The following SPIRE2 variants were observed in gnomAD, a reference collection of about 807,000 sequenced individuals.
The protein encoded by SPIRE2 is spire type actin nucleation factor 2, also known as protein spire homolog 2.
A neutral mutation model predicts 80.7 loss-of-function variants in SPIRE2; 76 were observed. The observed-to-expected ratio is 0.94, with a 90% confidence interval of 0.78 to 1.14. SPIRE2 has a LOEUF of 1.14. Among genes scored for constraint, SPIRE2 ranks in the 50% most tolerant of loss-of-function variants. SPIRE2 has a pLI of 0.00. For missense variants in SPIRE2, 1,196 were observed against 1,015.3 expected (o/e 1.18, Z -2.42); for synonymous variants, 535 against 432.6 (o/e 1.24, Z -2.94).
In SPIRE2 at chr16:89,863,627, G is replaced by A. The variant is rs191081583; in HGVS notation, c.1710+17G>A. The A allele has an allele frequency of 8.7e-6, 14 of 1,614,050 alleles. No individual in the cohort carries two copies. In the African/African-American group the frequency reaches 1.3e-4, roughly 15 times the overall value. ...AAGGGGAAGGTGAGGCTGCCTAGAC[G>A]TGGGGCTACGCTCTTGCCCGCTGGG... On this transcript the variant is annotated intron_variant, in intron 11 of 14. Coordinates refer to ENST00000378247, the MANE Select transcript of SPIRE2 (RefSeq NM_032451.2). The surrounding 1 kb of genome is among the most constrained non-coding windows in gnomAD (Gnocchi z 4.3).
At chr16:89,839,486 G>A (rs1021916679) in intron 1 of SPIRE2, among the ~76,000 whole-genome samples, 1 of 152,124 alleles carries the variant, frequency 6.6e-6, no homozygotes, top group East Asian at 1.9e-4. Flanking sequence ...GTTGCTGCAG[G>A]GTGCCTGCTT....
At chr16:89,831,045 G>A (rs922022292) in intron 1 of SPIRE2, among the ~76,000 whole-genome samples, 5 of 150,314 alleles carry the variant, frequency 3.3e-5, no homozygotes, top group Non-Finnish European at 7.5e-5. Flanking sequence ...GAGTAGCTGG[G>A]ACTACAGGCG....
At chr16:89,838,012 G>GTT (rs1449610374) in intron 1 of SPIRE2, among the ~76,000 whole-genome samples, 1 of 151,566 alleles carries the variant, frequency 6.6e-6, no homozygotes, top group African/African-American at 2.4e-5. Context: ...TTCTTTTTTT[G>GTT]TTTTTATTTT....
In SPIRE2 at chr16:89,863,681, C is replaced by A; in HGVS notation, c.1710+71C>A. The A allele has an allele frequency of 6.2e-7, 1 of 1,612,132 alleles. No homozygotes were observed. Among genetic ancestry groups the A allele is most frequent in the Non-Finnish European group, 8.5e-7 (1 of 1,178,388 alleles). ...GGGGCGGGTGCCGAGAGGGCCAGTTCCCAGGACTGTTTGCTCATGATCTGG... is the reference window on the plus strand; with the variant it reads ...GGGGCGGGTGCCGAGAGGGCCAGTTACCAGGACTGTTTGCTCATGATCTGG... On this transcript the variant is annotated intron_variant, in intron 11 of 14. Transcript: ENST00000378247. The surrounding 1 kb of genome is among the most constrained non-coding windows in gnomAD (Gnocchi z 4.3).
chr16:89,833,875 C>G (rs914767648), intron 1 of SPIRE2, among the ~76,000 whole-genome samples: 13 of 152,164 alleles, frequency 8.5e-5, no homozygotes, highest in African/African-American at 2.7e-4. Context: ...AAAATGACCT[C>G]TATCCCTGAG....
intron 3 of SPIRE2, among the ~76,000 whole-genome samples, chr16:89,853,892 C>T (rs1188985247): frequency 1.3e-5 from 2 of 152,254 alleles, no homozygotes; most frequent in Non-Finnish European, 2.9e-5. Flanking sequence ...CTGTCCACCA[C>T]GTATCCATTC....
chr16:89,844,476 T>C (rs1484915109), intron 1 of SPIRE2, among the ~76,000 whole-genome samples: 1 of 151,506 alleles, frequency 6.6e-6, no homozygotes, highest in African/African-American at 2.4e-5. Context: ...TCTCACTCTG[T>C]TGCCCAGGCT....
At chr16:89,850,275 C>T (rs771454156) in intron 2 of SPIRE2, 29 bp from the exon 3 acceptor site, 14 of 1,589,844 alleles carry the variant, frequency 8.8e-6, no homozygotes, top group Middle Eastern at 1.7e-4. Flanking sequence ...CCTGCAGTAC[C>T]GCCCAGTGAC....
intron 3 of SPIRE2, among the ~76,000 whole-genome samples, chr16:89,852,944 G>A (rs1315629173): frequency 1.5e-5 from 1 of 64,674 alleles, no homozygotes; most frequent in South Asian, 6.7e-4. Flanking sequence ...GCATCCCATG[G>A]CCCGTCTTCC....
In SPIRE2 at chr16:89,859,309, C is replaced by A; in HGVS notation, c.1417C>A (p.Arg473=). The A allele has an allele frequency of 6.3e-7, 1 of 1,596,090 alleles. No homozygotes were observed. ...AGGAGGGACGGAGCCACCACGGCCC[C>A]GAGCTGGCAGTGCGCATGTGTGGAG... ...PPGGTEPPRP[R]AGSAHVWRPG... is the part of the protein sequence containing the mutation. Residue 473 remains arginine, a synonymous_variant, in exon 9 of 15, where the codon CGA becomes AGA. Transcript: ENST00000378247.
chr16:89,864,299 C>T (rs546684664), intron 12 of SPIRE2, among the ~76,000 whole-genome samples: 2 of 152,260 alleles, frequency 1.3e-5, no homozygotes, highest in African/African-American at 4.8e-5. Flanking sequence ...AGCTCGAGTC[C>T]GCCGTGTAGA....
chr16:89,869,053 A>AAAT, intron 13 of SPIRE2, among the ~76,000 whole-genome samples: 4 of 24,024 alleles, frequency 1.7e-4, no homozygotes, highest in Non-Finnish European at 2.3e-4. Context: ...AAAAAAAAAA[A>AAAT]ATATATATAT....
At chr16:89,838,868 T>A (rs1214849407) in intron 1 of SPIRE2, among the ~76,000 whole-genome samples, 1 of 151,962 alleles carries the variant, frequency 6.6e-6, no homozygotes, top group East Asian at 2.0e-4. Context: ...CAAAGGGCTC[T>A]TGTTCTCTTT....
At chr16:89,829,583 G>A (rs1266843805) in intron 1 of SPIRE2, among the ~76,000 whole-genome samples, 1 of 152,218 alleles carries the variant, frequency 6.6e-6, no homozygotes, top group East Asian at 1.9e-4. Context: ...GCATGAGCAG[G>A]CCTATGTGGA....
chr16:89,860,748 G>T lies in SPIRE2; in HGVS notation c.1528G>T (p.Asp510Tyr). 1.9e-6 allele frequency: 3 copies of T among 1,581,124 alleles called. No individual in the cohort carries two copies. Among genetic ancestry groups the T allele is most frequent in the Non-Finnish European group, 2.6e-6 (3 of 1,164,700 alleles). ...ACTCAGCAACCGGGGCTCCTCGGGG[G>T]ACAGACCCGAGGCCTCCATGACCCC... The part of the protein sequence containing the change: ...PLLSNRGSSG[D>Y]RPEASMTPDA... Residue 510 changes from aspartate to tyrosine, a missense_variant, in exon 10 of 15, where the codon GAC becomes TAC. Asp to Tyr is a radical substitution (Grantham distance 160, BLOSUM62 -3). Coordinates refer to ENST00000378247, the MANE Select transcript of SPIRE2 (RefSeq NM_032451.2).
Position 89,858,428 on chromosome 16 carries a change from GCAGCGCC to G in SPIRE2, c.1202_1208del (p.Gln401ArgfsTer18). The G allele has an allele frequency of 1.2e-6, 2 of 1,611,778 alleles. No individual in the cohort carries two copies. Among genetic ancestry groups the G allele is most frequent in the Non-Finnish European group, 1.7e-6 (2 of 1,179,530 alleles). On this transcript the variant is annotated frameshift_variant, in exon 8 of 15. Transcript: ENST00000378247. LOFTEE classifies it high-confidence loss of function. ...AACCTGTCAGTCACAGATGCTGGGG[GCAGCGCC>G]CAGCGCCCGCGGCCCCGCGTGCTGC...
chr16:89,849,996 C>T, intron 2 of SPIRE2: 1 of 446,780 alleles, frequency 2.2e-6, no homozygotes. Flanking sequence ...CACCACCACG[C>T]CCAGCTAATT....
At chr16:89,830,150 G>A (rs966012666) in intron 1 of SPIRE2, among the ~76,000 whole-genome samples, 6 of 151,208 alleles carry the variant, frequency 4.0e-5, no homozygotes, top group African/African-American at 1.5e-4. Context: ...GAGCCCAGCC[G>A]CCTGCTTCCT....
chr16:89,846,789 G>A (rs1597213657), intron 2 of SPIRE2: 1 of 144,982 alleles, frequency 6.9e-6, no homozygotes, highest in African/African-American at 2.6e-5. Flanking sequence ...GGGATTACAG[G>A]TGTGAGCCAT....
Sources: allele counts gnomAD v4.1 joint callset (sites outside exome capture counted in the v4.1 genomes callset), GRCh38; gene constraint gnomAD v4.1.1; non-coding constraint Gnocchi (gnomAD v3.1); transcripts MANE v1.5; gene names NCBI Gene and HGNC (gene_info 2026-07-23, HGNC 2026-07-21).